Variants in CACNA2D3 observed in about 807,000 individuals in gnomAD.
CACNA2D3 encodes the protein calcium voltage-gated channel auxiliary subunit alpha2delta 3.
Under a neutral mutation model 160.6 loss-of-function variants are expected in CACNA2D3, and 60 were observed. The ratio of observed to expected loss-of-function variants is 0.37; its 90% CI spans 0.30 to 0.46. The LOEUF is 0.46. CACNA2D3 is among the 20% of genes least tolerant of loss of function. CACNA2D3 has a pLI of 1.00. For missense variants in CACNA2D3, 1,205 were observed against 1,365.0 expected, an observed-to-expected ratio of 0.88 and a Z score of 1.85; for synonymous variants, 558 against 492.9, an observed-to-expected ratio of 1.13 and a Z score of -1.75.
At chr3:54,276,384 C>T (rs763307041) in intron 2 of CACNA2D3, among the ~76,000 whole-genome samples, 14 of 151,994 alleles carry the variant, frequency 9.2e-5, no homozygotes, top group Non-Finnish European at 1.3e-4. Context: ...GCCTGGCCAC[C>T]ACGGCGAAAC....
At chr3:54,319,881 A>T (rs962003956) in intron 2 of CACNA2D3, among the ~76,000 whole-genome samples, 1 of 152,178 alleles carries the variant, frequency 6.6e-6, no homozygotes, top group Admixed American at 6.5e-5. Flanking sequence ...TCATTTTGCA[A>T]ATCTCTTTAA....
intron 17 of CACNA2D3, among the ~76,000 whole-genome samples, chr3:54,853,916 G>A (rs1302355654): frequency 6.6e-6 from 1 of 152,104 alleles, no homozygotes. Context: ...GGAACTTTCG[G>A]TGGTCCCCAA....
rs796392854 is a variant in CACNA2D3 at position 54,350,986 on chromosome 3, G to GTTTTTTTTTTTTTTTTTTTTTTT, written c.321+30448_321+30449insTTTTTTTTTTTTTTTTTTTTTTT. ...TGAGTCTGTTTTTTTTTTTTTGTTTGTTTTTTTTTTTTTTTTTTTTGAGAC... is the reference window on the plus strand; with the variant it reads ...TGAGTCTGTTTTTTTTTTTTTGTTTGTTTTTTTTTTTTTTTTTTTTTTTTTTTTTTTTTTTTTTTTTTTGAGAC... On this transcript the variant is annotated intron_variant, in intron 3 of 37. Transcript: ENST00000474759. Among the ~76,000 whole-genome samples the GTTTTTTTTTTTTTTTTTTTTTTT allele has an allele frequency of 2.1e-4, 14 of 65,946 alleles. 1 individual carries two copies. The highest frequency in any genetic ancestry group is 3.0e-4 in the Non-Finnish European group (10 of 33,468). The allele number at this position is 65,946 out of a possible 152,430, so 43.3% of individuals were successfully genotyped here. A position where few individuals can be genotyped will look rare whatever the true frequency, so the allele number is the denominator to read the frequency against.
intron 13 of CACNA2D3, among the ~76,000 whole-genome samples, chr3:54,773,045 C>T (rs1219044987): frequency 6.6e-6 from 1 of 152,222 alleles, no homozygotes; most frequent in African/African-American, 2.4e-5. Flanking sequence ...CCTCTTGCCC[C>T]TCCCGTTTGC....
chr3:54,371,312 C>T (rs1348069881), intron 3 of CACNA2D3, among the ~76,000 whole-genome samples: 1 of 152,104 alleles, frequency 6.6e-6, no homozygotes, highest in Non-Finnish European at 1.5e-5. Context: ...TACCATTTTA[C>T]ATTTCTAGGA....
At chr3:54,583,142 A>G (rs1702705830) in intron 9 of CACNA2D3, among the ~76,000 whole-genome samples, 1 of 152,074 alleles carries the variant, frequency 6.6e-6, no homozygotes. Flanking sequence ...TCCCTATTCC[A>G]ATATTGTAAT....
intron 4 of CACNA2D3, among the ~76,000 whole-genome samples, chr3:54,476,360 A>G (rs748778854): frequency 2.6e-5 from 4 of 151,778 alleles, no homozygotes; most frequent in Non-Finnish European, 4.4e-5. Context: ...ATAATGCTGC[A>G]ATGATTGTGG....
rs148409851 is a variant in CACNA2D3, at chr3:55,074,467, G to A, written c.*261G>A. 1.4e-4 allele frequency: 68 copies of A among 476,772 alleles called. 1 individual carries two copies. Among genetic ancestry groups the A allele is most frequent in the Middle Eastern group, 1.2e-3 (2 of 1,734 alleles). The allele number at this position is 476,772 out of a possible 1,614,324, so 29.5% of individuals were successfully genotyped here. On this transcript the variant is annotated 3_prime_UTR_variant, in exon 38 of 38. Transcript: ENST00000474759. ...ATCACCCTTCATCAGAAATGGGACC[G>A]CAAGTGGTAGGCAGTGTCCCTTCTG...
chr3:54,151,675 T>C (rs998967503), intron 2 of CACNA2D3, among the ~76,000 whole-genome samples: 1 of 152,150 alleles, frequency 6.6e-6, no homozygotes, highest in African/African-American at 2.4e-5. Context: ...GAATGATGTG[T>C]CCATGGACCA....
chr3:54,954,617 G>A (rs1235592856), intron 27 of CACNA2D3, among the ~76,000 whole-genome samples: 2 of 152,296 alleles, frequency 1.3e-5, no homozygotes, highest in African/African-American at 4.8e-5. Flanking sequence ...TGGAGGTAGG[G>A]TGTGGAGAAG....
At chr3:54,176,772 T>C (rs1245782373) in intron 2 of CACNA2D3, among the ~76,000 whole-genome samples, 1 of 152,244 alleles carries the variant, frequency 6.6e-6, no homozygotes, top group Non-Finnish European at 1.5e-5. Context: ...TTTTTTTTGT[T>C]AACCTTGGCT....
intron 4 of CACNA2D3, among the ~76,000 whole-genome samples, chr3:54,437,144 A>C (rs1700073203): frequency 6.6e-6 from 1 of 152,162 alleles, no homozygotes; most frequent in Non-Finnish European, 1.5e-5. Flanking sequence ...AATGGGTAGT[A>C]TTGGCTTGTG....
At position 54,320,532 on chromosome 3, in the gene CACNA2D3, T is replaced by C; in HGVS notation, c.295T>C (p.Phe99Leu). The change falls in exon 3 of 38, where the codon TTT (phenylalanine) becomes CTT (leucine). Residue 99 changes from phenylalanine (F) to leucine (L), a missense_variant. This residue lies in a region of CACNA2D3 where 163 missense variants were observed against 161.3 expected (regional missense o/e 1.01). Transcript: ENST00000474759. Reference protein sequence around the residue: ...KKLAKNMEEMFHKKSEAVRRL... With the variant: ...KKLAKNMEEMLHKKSEAVRRL... ...GCTGGCAAAGAACATGGAAGAGATG[T>C]TTCACAAGAAGTCTGAGGCCGTCAG... 1 of 1,564,540 alleles carries C rather than the reference T, an allele frequency of 6.4e-7. No individual in the cohort carries two copies. Among genetic ancestry groups the C allele is most frequent in the Non-Finnish European group, 8.7e-7 (1 of 1,154,108 alleles).
At chr3:54,719,798 C>T (rs1459754804) in intron 11 of CACNA2D3, among the ~76,000 whole-genome samples, 2 of 151,922 alleles carry the variant, frequency 1.3e-5, no homozygotes, top group South Asian at 2.1e-4. Context: ...GAAGATTTTT[C>T]GTTATAGATT....
At chr3:54,961,760 T>G (rs567892988) in intron 27 of CACNA2D3, among the ~76,000 whole-genome samples, 124 of 152,322 alleles carry the variant, frequency 8.1e-4, no homozygotes, top group African/African-American at 2.8e-3. Flanking sequence ...TATGCATGAA[T>G]GATCACAATT....
intron 5 of CACNA2D3, among the ~76,000 whole-genome samples, chr3:54,510,269 G>GTGGA (rs1461197037): frequency 1.3e-5 from 2 of 152,000 alleles, no homozygotes; most frequent in Non-Finnish European, 2.9e-5. Context: ...GGGTCGGTGA[G>GTGGA]TGGATGGATG....
chr3:54,687,121 C>CTTTTTCT, intron 11 of CACNA2D3, among the ~76,000 whole-genome samples: 18 of 94,970 alleles, frequency 1.9e-4, no homozygotes, highest in South Asian at 4.3e-4. Flanking sequence ...TTTTCTTTTT[C>CTTTTTCT]TTTTTTTTTT....
chr3:54,822,802 T>TC (rs781374820), intron 14 of CACNA2D3, among the ~76,000 whole-genome samples: 1,589 of 91,640 alleles, frequency 0.017, 10 homozygotes, highest in Middle Eastern at 0.033. Context: ...TTTCTTTCTT[T>TC]CTTTCTTTCT....
intron 31 of CACNA2D3, among the ~76,000 whole-genome samples, chr3:54,993,010 C>T (rs889694116): frequency 2.6e-5 from 4 of 152,078 alleles, no homozygotes; most frequent in Admixed American, 1.3e-4. Flanking sequence ...AACGAGATCT[C>T]GTGAGCACTC....
Sources: gnomAD v4.1 joint callset for allele counts (sites outside exome capture counted in the v4.1 genomes callset) on GRCh38, gnomAD v4.1.1 for gene constraint, gnomAD v4.1.1 regional missense constraint, MANE v1.5 for transcripts, NCBI Gene and HGNC (gene_info 2026-07-23, HGNC 2026-07-21) for gene names.